The following HIVEP1 variants were observed in gnomAD, a reference collection of about 807,000 sequenced individuals.
HIVEP1 encodes zinc finger protein 40.
Under a neutral mutation model 180.0 loss-of-function variants are expected in HIVEP1, and 36 were observed. The ratio of observed to expected loss-of-function variants is 0.20; its 90% CI spans 0.15 to 0.26. The LOEUF is 0.26. HIVEP1 is among the 10% of genes least tolerant of loss of function. HIVEP1 has a pLI of 1.00. For missense variants in HIVEP1, 3,143 were observed against 3,268.7 expected, an observed-to-expected ratio of 0.96 and a Z score of 0.94; for synonymous variants, 1,239 against 1,239.0, an observed-to-expected ratio of 1.00 and a Z score of 0.00.
chr6:12,152,769 C>T lies in HIVEP1; in HGVS notation c.6488-8670C>T, dbSNP rs538610810. The stretch of plus-strand genomic sequence containing the variant: ...ATCCCAGCCCCTCCTACATCCTCTC[C>T]AAGCTACAGGCATGTGGCTCATCCA... On this transcript the variant is annotated intron_variant, in intron 7 of 8. Transcript: ENST00000379388. Among the ~76,000 whole-genome samples, 19 of 152,268 alleles carry T rather than the reference C, an allele frequency of 1.2e-4. No homozygotes were observed. In the South Asian group the frequency reaches 2.9e-3, roughly 23 times the overall value.
chr6:12,204,360 T>TCCCTTCCCTGTTTTCCTCTTTTACCTC, the HIVEP1 span, among the ~76,000 whole-genome samples: 1 of 150,528 alleles, frequency 6.6e-6, no homozygotes, highest in African/African-American at 2.4e-5. Flanking sequence ...TCAAGCTTCC[T>TCCCTTCCCTGTTTTCCTCTTTTACCTC]CCCTTCCCCG....
chr6:12,074,000 G>A (rs1772162822), intron 2 of HIVEP1, among the ~76,000 whole-genome samples: 1 of 152,198 alleles, frequency 6.6e-6, no homozygotes, highest in Admixed American at 6.5e-5. Flanking sequence ...AGATTGATTG[G>A]AGTGGGTGTG....
chr6:12,206,068 A>G, the HIVEP1 span, among the ~76,000 whole-genome samples: 1 of 152,224 alleles, frequency 6.6e-6, no homozygotes, highest in East Asian at 1.9e-4. Context: ...TAACGAGGTC[A>G]TTAGGATGGG....
chr6:12,053,681 G>A (rs932694084), intron 2 of HIVEP1, among the ~76,000 whole-genome samples: 4 of 152,154 alleles, frequency 2.6e-5, no homozygotes, highest in African/African-American at 9.7e-5. Flanking sequence ...GTTGGGGGCT[G>A]TGTACTGCTT....
chr6:12,041,160 G>A (rs948989985), intron 2 of HIVEP1, among the ~76,000 whole-genome samples: 2 of 152,098 alleles, frequency 1.3e-5, no homozygotes, highest in Non-Finnish European at 2.9e-5. Flanking sequence ...TGTGGCTCAC[G>A]CCTGTAATCC....
At position 12,163,475 on chromosome 6, in the gene HIVEP1, C is replaced by G; in HGVS notation, c.7171C>G (p.Gln2391Glu). ...FSHLPLHSQQQSRTPYNMVPV... is the reference protein window; with the variant it reads ...FSHLPLHSQQESRTPYNMVPV... ...CCACCTTCCTTTGCATTCCCAGCAGCAATCGAGGACACCTTATAATATGGT... is the reference window on the plus strand; with the variant it reads ...CCACCTTCCTTTGCATTCCCAGCAGGAATCGAGGACACCTTATAATATGGT... Residue 2391 changes from glutamine (Q) to glutamate (E), a missense_variant, in exon 9 of 9, where the codon CAA becomes GAA. Coordinates refer to ENST00000379388, the MANE Select transcript of HIVEP1 (RefSeq NM_002114.4). 6.2e-7 allele frequency: 1 copy of G among 1,614,156 alleles called. No homozygotes were observed. The highest frequency in any genetic ancestry group is 8.5e-7 in the Non-Finnish European group (1 of 1,180,024).
Position 12,125,519 on chromosome 6 carries a change from C to T in HIVEP1, c.5724C>T (p.Asn1908=). Residue 1908 remains asparagine (N), a synonymous_variant, in exon 4 of 9, where the codon AAC becomes AAT. Coordinates refer to ENST00000379388, the MANE Select transcript of HIVEP1 (RefSeq NM_002114.4). ...TTAAAAATCAAGGTGACAAAGTGAA[C>T]ATCCAAGAGCAAAGTCAACAGCCAG... ...PGVKNQGDKV[N]IQEQSQQPVT... 6.2e-7 allele frequency: 1 copy of T among 1,614,122 alleles called. No individual in the cohort carries two copies. Among genetic ancestry groups the T allele is most frequent in the Non-Finnish European group, 8.5e-7 (1 of 1,179,980 alleles).
chr6:12,041,516 T>C (rs914976111), intron 2 of HIVEP1, among the ~76,000 whole-genome samples: 2 of 151,578 alleles, frequency 1.3e-5, no homozygotes, highest in Admixed American at 6.6e-5. Flanking sequence ...TTTTTTTTTT[T>C]CCTTCCCCCC....
intron 2 of HIVEP1, among the ~76,000 whole-genome samples, chr6:12,043,303 G>A (rs1469222112): frequency 4.0e-5 from 6 of 151,272 alleles, no homozygotes; most frequent in African/African-American, 1.5e-4. Context: ...ATTTATATGC[G>A]CATGAGTGCT....
intron 2 of HIVEP1, among the ~76,000 whole-genome samples, chr6:12,068,030 G>A (rs1241984138): frequency 1.3e-5 from 2 of 152,098 alleles, no homozygotes; most frequent in African/African-American, 4.8e-5. Context: ...TGAGGGGGCT[G>A]TGCTTTAGAA....
chr6:12,008,719 G>C (rs934327664), upstream of HIVEP1: 5 of 152,182 alleles, frequency 3.3e-5, no homozygotes, highest in East Asian at 1.9e-4. Flanking sequence ...GGCCAGAAAG[G>C]GGGGCACAGG....
rs117602806 is a variant in HIVEP1 at position 12,088,550 on chromosome 6, A to G, written c.41-634A>G. The stretch of plus-strand genomic sequence containing the variant: ...CAGCAGGAGCAAGGCACTGCTCCCA[A>G]TTCTCTTAGTTATTGCTCCTGGGTT... On this transcript the variant is annotated intron_variant, in intron 2 of 8. Coordinates refer to ENST00000379388, the MANE Select transcript of HIVEP1 (RefSeq NM_002114.4). 1.4e-4 allele frequency among the ~76,000 whole-genome samples: 22 copies of G among 152,214 alleles called. No individual in the cohort carries two copies. In the East Asian group the frequency reaches 3.1e-3, roughly 21 times the overall value.
rs1017189825 is a variant in HIVEP1 at position 12,121,460 on chromosome 6, A to G, written c.1665A>G (p.Gln555=). The change falls in exon 4 of 9, where the codon CAA becomes CAG. Residue 555 remains glutamine (Q), a synonymous_variant. Coordinates refer to ENST00000379388, the MANE Select transcript of HIVEP1 (RefSeq NM_002114.4). The surrounding 1 kb of genome is among the most constrained non-coding windows in gnomAD (Gnocchi z 5.3). ...TACAGGACAGATCTGCAGAATCACA[A>G]GCTGTGACAGAGTTACCGAAAGTTG... ...FLLQDRSAES[Q]AVTELPKVVV... is the part of the protein sequence containing the mutation. 54 of 1,614,208 alleles carry G rather than the reference A, an allele frequency of 3.3e-5. No homozygotes were observed. Among genetic ancestry groups the G allele is most frequent in the Non-Finnish European group, 4.2e-5 (49 of 1,180,040 alleles).
Position 12,118,876 on chromosome 6 carries a change from A to T in HIVEP1, c.95-1014A>T, listed in dbSNP as rs537462125. On this transcript the variant is annotated intron_variant, in intron 3 of 8. Coordinates refer to ENST00000379388, the MANE Select transcript of HIVEP1 (RefSeq NM_002114.4). ...ATATTAGCAGCCCCTTTTCTCCTGA[A>T]AATATCAGTTTTGCATACTTAGAAA... Among the ~76,000 whole-genome samples the T allele has an allele frequency of 7.9e-5, 12 of 152,306 alleles. 1 individual carries two copies. Among genetic ancestry groups the T allele is most frequent in the Admixed American group, 6.5e-4 (10 of 15,290 alleles).
At chr6:12,192,128 TA>T in the HIVEP1 span, among the ~76,000 whole-genome samples, 15 of 152,346 alleles carry the variant, frequency 9.8e-5, no homozygotes, top group East Asian at 2.5e-3. Context: ...TATTTCTTTT[TA>T]AAACATGGAA....
Position 12,124,320 on chromosome 6 carries a change from C to T in HIVEP1, c.4525C>T (p.Leu1509Phe). ...TACCAACGTTTTTCCTGTTCAACAG[C>T]TCTGTGATATCAATTTGTTAAATCA... ...SSTNVFPVQQ[L>F]CDINLLNQIH... Residue 1509 changes from leucine (L) to phenylalanine (F), a missense_variant, in exon 4 of 9, where the codon CTC (leucine) becomes TTC (phenylalanine). Transcript: ENST00000379388. 6.2e-7 allele frequency: 1 copy of T among 1,613,894 alleles called. No individual in the cohort carries two copies. Among genetic ancestry groups the T allele is most frequent in the Non-Finnish European group, 8.5e-7 (1 of 1,179,790 alleles).
chr6:12,156,620 GTTCT>G (rs1760070748), intron 7 of HIVEP1, among the ~76,000 whole-genome samples: 1 of 151,952 alleles, frequency 6.6e-6, no homozygotes, highest in Admixed American at 6.6e-5. Context: ...TCATGCATGT[GTTCT>G]TTAATTCTGC....
intron 2 of HIVEP1, among the ~76,000 whole-genome samples, chr6:12,059,979 C>G (rs1771123655): frequency 6.6e-6 from 1 of 152,072 alleles, no homozygotes; most frequent in African/African-American, 2.4e-5. Context: ...TGTTCTAATT[C>G]TCTTGTATTG....
intron 2 of HIVEP1, among the ~76,000 whole-genome samples, chr6:12,027,908 G>T (rs1768689586): frequency 6.6e-6 from 1 of 152,164 alleles, no homozygotes; most frequent in Admixed American, 6.5e-5. Flanking sequence ...TGGTTTTGGG[G>T]TAGTGGGATG....
Sources: allele counts gnomAD v4.1 joint callset (sites outside exome capture counted in the v4.1 genomes callset), GRCh38; gene constraint gnomAD v4.1.1; non-coding constraint Gnocchi (gnomAD v3.1); transcripts MANE v1.5; gene names NCBI Gene and HGNC (gene_info 2026-07-23, HGNC 2026-07-21).